SAMD5: variants seen among roughly 807,000 people sequenced by gnomAD.
SAMD5 encodes sterile alpha motif domain-containing protein 5.
A neutral mutation model predicts 11.3 loss-of-function variants in SAMD5; 13 were observed. That is an observed-to-expected ratio of 1.15 (90% CI 0.75 to 1.83). SAMD5 has a LOEUF of 1.83. SAMD5 is among the 40% of genes most tolerant of loss of function. The pLI is 0.00. For synonymous variants in SAMD5, 129 were observed against 111.3 expected, an observed-to-expected ratio of 1.16 and a Z score of -1.00; for missense variants, 255 against 239.1, an observed-to-expected ratio of 1.07 and a Z score of -0.44.
At chr6:147,551,812 TTA>T (rs10691979) in intron 1 of SAMD5, among the ~76,000 whole-genome samples, 3,074 of 99,384 alleles carry the variant, frequency 0.031, 57 homozygotes, top group African/African-American at 0.05. Flanking sequence ...TATATATATG[TTA>T]TATATATATA....
chr6:147,805,651 A>G, the SAMD5 span, among the ~76,000 whole-genome samples: 1 of 152,214 alleles, frequency 6.6e-6, no homozygotes, highest in East Asian at 1.9e-4. Context: ...TGAAGACACA[A>G]ATTCACAGAT....
the SAMD5 span, among the ~76,000 whole-genome samples, chr6:147,794,027 C>G: frequency 1.3e-5 from 2 of 152,256 alleles, no homozygotes; most frequent in South Asian, 4.1e-4. Flanking sequence ...CAAATTCACT[C>G]TTAAAAACTT....
intron 1 of SAMD5, among the ~76,000 whole-genome samples, chr6:147,653,640 T>C (rs1790523978): frequency 6.6e-6 from 1 of 152,226 alleles, no homozygotes; most frequent in African/African-American, 2.4e-5. Context: ...TCTAGAATTA[T>C]TTATCTGGAA....
At chr6:147,719,353 G>C (rs1791515025) in intron 1 of SAMD5, among the ~76,000 whole-genome samples, 1 of 152,168 alleles carries the variant, frequency 6.6e-6, no homozygotes, top group Admixed American at 6.5e-5. Flanking sequence ...AAAGATGGGG[G>C]TGCTGAGCCT....
chr6:147,909,942 T>A, the SAMD5 span, among the ~76,000 whole-genome samples: 59 of 152,188 alleles, frequency 3.9e-4, no homozygotes, highest in East Asian at 0.01. Flanking sequence ...CGGAGCATGA[T>A]GTTATGAGGC....
intron 1 of SAMD5, among the ~76,000 whole-genome samples, chr6:147,630,974 G>A (rs1253692274): frequency 6.6e-6 from 1 of 152,138 alleles, no homozygotes; most frequent in East Asian, 1.9e-4. Flanking sequence ...AGAGGTGTCT[G>A]ATCACCGCGG....
At chr6:147,560,638 A>G (rs900696410) in intron 1 of SAMD5, among the ~76,000 whole-genome samples, 1 of 152,216 alleles carries the variant, frequency 6.6e-6, no homozygotes, top group Non-Finnish European at 1.5e-5. Context: ...GAGGAAAATC[A>G]CAAGCTAAAA....
At chr6:147,639,592 C>T (rs1464391798) in intron 1 of SAMD5, among the ~76,000 whole-genome samples, 2 of 152,194 alleles carry the variant, frequency 1.3e-5, no homozygotes, top group African/African-American at 4.8e-5. Context: ...ACATTCTCCT[C>T]TTTTGTTAGC....
chr6:147,701,854 C>T (rs1189456583), intron 1 of SAMD5, among the ~76,000 whole-genome samples: 4 of 152,196 alleles, frequency 2.6e-5, no homozygotes, highest in African/African-American at 4.8e-5. Flanking sequence ...TAGAAACTTA[C>T]TTAAAAGATA....
chr6:147,885,739 C>T, the SAMD5 span, among the ~76,000 whole-genome samples: 1 of 152,136 alleles, frequency 6.6e-6, no homozygotes, highest in Non-Finnish European at 1.5e-5. Context: ...GTACTCCAAG[C>T]TCATGAACAA....
chr6:147,751,092 T>C, the SAMD5 span, among the ~76,000 whole-genome samples: 1 of 152,210 alleles, frequency 6.6e-6, no homozygotes, highest in East Asian at 1.9e-4. Flanking sequence ...TTTCTGCTCC[T>C]GGAACACACC....
At chr6:147,926,886 C>T in the SAMD5 span, among the ~76,000 whole-genome samples, 7 of 152,248 alleles carry the variant, frequency 4.6e-5, no homozygotes, top group East Asian at 3.9e-4. Flanking sequence ...CAATCTTCTG[C>T]GTATGGCTAG....
chr6:147,581,567 A>T (rs1378310554), intron 1 of SAMD5, among the ~76,000 whole-genome samples: 9 of 152,168 alleles, frequency 5.9e-5, no homozygotes, highest in Non-Finnish European at 1.2e-4. Context: ...AAGAGAAGGC[A>T]GTCACCGAGG....
intron 1 of SAMD5, among the ~76,000 whole-genome samples, chr6:147,646,773 T>C (rs1790408571): frequency 6.6e-6 from 1 of 152,068 alleles, no homozygotes; most frequent in Admixed American, 6.6e-5. Flanking sequence ...TAGTTGATCA[T>C]ATATATTTTG....
At chr6:147,846,456 G>C in the SAMD5 span, among the ~76,000 whole-genome samples, 1 of 152,156 alleles carries the variant, frequency 6.6e-6, no homozygotes, top group Non-Finnish European at 1.5e-5. Flanking sequence ...GTTAACAATG[G>C]GGGAAGAGTC....
the SAMD5 span, among the ~76,000 whole-genome samples, chr6:147,834,967 G>A: frequency 0.17 from 25,229 of 152,006 alleles, 2,270 homozygotes; most frequent in Middle Eastern, 0.22. Flanking sequence ...GGTGGCTCAC[G>A]CCTGTAATCC....
At chr6:147,952,346 T>A in the SAMD5 span, among the ~76,000 whole-genome samples, 4 of 152,244 alleles carry the variant, frequency 2.6e-5, no homozygotes, top group African/African-American at 9.6e-5. Flanking sequence ...CAGCTAATGT[T>A]ATTTCCTTTG....
At chr6:147,514,535 G>A (rs1336487354) in intron 1 of SAMD5, among the ~76,000 whole-genome samples, 1 of 151,974 alleles carries the variant, frequency 6.6e-6, no homozygotes, top group Non-Finnish European at 1.5e-5. Flanking sequence ...ACATATTCGT[G>A]CTGTAGGTTA....
intron 1 of SAMD5, among the ~76,000 whole-genome samples, chr6:147,630,661 T>C (rs6921015): frequency 1.3e-5 from 2 of 151,100 alleles, no homozygotes; most frequent in Admixed American, 1.3e-4. Context: ...CCCTCTTTTC[T>C]GACTCAGCCC....
Sources: gnomAD v4.1 joint callset for allele counts (sites outside exome capture counted in the v4.1 genomes callset) on GRCh38, gnomAD v4.1.1 for gene constraint, MANE v1.5 for transcripts, NCBI Gene and HGNC (gene_info 2026-07-23, HGNC 2026-07-21) for gene names.